Variants in PID1 observed in about 807,000 individuals in gnomAD.
The protein encoded by PID1 is PTB-containing, cubilin and LRP1-interacting protein.
In PID1, 10 loss-of-function variants were observed where a neutral mutation model predicts 19.1. The observed-to-expected ratio is 0.52, with a 90% CI of 0.32 to 0.89. The LOEUF is 0.89. PID1 is among the 40% of genes least tolerant of loss of function. The pLI, the probability that PID1 is intolerant of heterozygous loss-of-function variation, is 0.03. For missense variants in PID1, 248 were observed against 285.3 expected (o/e 0.87, Z 0.94); for synonymous variants, 130 against 116.0 (o/e 1.12, Z -0.78).
chr2:229,149,151 A>T (rs1470120012), intron 2 of PID1, among the ~76,000 whole-genome samples: 1 of 152,002 alleles, frequency 6.6e-6, no homozygotes, highest in Non-Finnish European at 1.5e-5. Flanking sequence ...TATAATTGGC[A>T]TAGGATTCAA....
chr2:229,065,965 A>G (rs1278649266), intron 2 of PID1, among the ~76,000 whole-genome samples: 10 of 152,218 alleles, frequency 6.6e-5, no homozygotes, highest in Admixed American at 6.5e-4. Flanking sequence ...TGGAAATAGT[A>G]TAATTTATAC....
At chr2:229,202,390 C>T (rs1329773146) in intron 1 of PID1, among the ~76,000 whole-genome samples, 1 of 152,028 alleles carries the variant, frequency 6.6e-6, no homozygotes, top group Non-Finnish European at 1.5e-5. Flanking sequence ...ACTTTGATAA[C>T]ATCATTATTT....
rs146964529 is a variant in PID1 at position 229,062,179 on chromosome 2, A to G, written c.178-36071T>C. On this transcript the variant is annotated intron_variant, in intron 2 of 2. Transcript: ENST00000392055. ...ATTGTTTTATTTCTGATTTTAGAGAAAAAGGTTTCATCTTTTCACTGTGGG... is the reference window on the plus strand; with the variant it reads ...ATTGTTTTATTTCTGATTTTAGAGAGAAAGGTTTCATCTTTTCACTGTGGG... 5.5e-3 allele frequency among the ~76,000 whole-genome samples: 839 copies of G among 152,088 alleles called. 9 individuals are homozygous for G. Among genetic ancestry groups the G allele is most frequent in the African/African-American group, 0.019 (809 of 41,552 alleles).
intron 2 of PID1, among the ~76,000 whole-genome samples, chr2:229,083,297 T>C (rs1239685802): frequency 6.6e-6 from 1 of 152,214 alleles, no homozygotes; most frequent in African/African-American, 2.4e-5. Context: ...AGTAATGGAC[T>C]GCCCAGCACA....
At chr2:229,057,021 T>C (rs576147991) in intron 2 of PID1, among the ~76,000 whole-genome samples, 4 of 68,812 alleles carry the variant, frequency 5.8e-5, no homozygotes, top group Non-Finnish European at 9.1e-5. Context: ...CACTTTATCA[T>C]AAGAGAAAGA....
intron 2 of PID1, among the ~76,000 whole-genome samples, chr2:229,109,239 A>G (rs1023155446): frequency 3.9e-5 from 6 of 152,194 alleles, no homozygotes; most frequent in Non-Finnish European, 1.5e-5. Flanking sequence ...ATCTTCTTCA[A>G]TATAGAATAT....
At chr2:229,269,795 T>C (rs894349077) in intron 1 of PID1, among the ~76,000 whole-genome samples, 2 of 152,190 alleles carry the variant, frequency 1.3e-5, no homozygotes, top group African/African-American at 4.8e-5. Context: ...ATGCAGGTTT[T>C]CTTGTTTATT....
At chr2:229,259,686 T>G (rs1449636365) in intron 1 of PID1, among the ~76,000 whole-genome samples, 1 of 152,254 alleles carries the variant, frequency 6.6e-6, no homozygotes, top group East Asian at 1.9e-4. Flanking sequence ...TCCAGCATCA[T>G]TTGTTGAAAA....
chr2:229,064,642 A>G (rs184213469), intron 2 of PID1, among the ~76,000 whole-genome samples: 2 of 152,280 alleles, frequency 1.3e-5, no homozygotes, highest in Admixed American at 6.5e-5. Context: ...AAAGTGAAAA[A>G]GCATATTTGT....
intron 1 of PID1, among the ~76,000 whole-genome samples, chr2:229,222,038 C>T (rs1308144378): frequency 6.6e-6 from 1 of 152,268 alleles, no homozygotes; most frequent in East Asian, 1.9e-4. Context: ...CCCTCTCCCA[C>T]TCGGAAGCCT....
At position 229,214,427 on chromosome 2, in the gene PID1, C is replaced by T. The variant is rs544485931; in HGVS notation, c.30+56587G>A. On this transcript the variant is annotated intron_variant, in intron 1 of 2. Coordinates refer to ENST00000392055, the MANE Select transcript of PID1 (RefSeq NM_001100818.2). The stretch of plus-strand genomic sequence containing the variant: ...GTCAAGGCAAGTCAGCCAAAATATA[C>T]TCACTTCTTAAGAAGTAGATCCTGA... Among the ~76,000 whole-genome samples the T allele has an allele frequency of 2.6e-5, 4 of 152,228 alleles. No homozygotes were observed. In the East Asian group the frequency reaches 5.8e-4, roughly 22 times the overall value.
intron 2 of PID1, 152 bp from the exon 3 acceptor site, chr2:229,026,260 A>C (rs141959395): frequency 3.2e-6 from 2 of 619,514 alleles, no homozygotes; most frequent in African/African-American, 3.7e-5. Flanking sequence ...AACTCATCAA[A>C]ATTTCTACCT....
At chr2:229,078,128 G>A (rs1482689420) in intron 2 of PID1, among the ~76,000 whole-genome samples, 2 of 152,156 alleles carry the variant, frequency 1.3e-5, no homozygotes, top group Admixed American at 1.3e-4. Flanking sequence ...TCCCTTGTAA[G>A]TTGTATTCCT....
At chr2:229,205,630 T>C (rs761908180) in intron 1 of PID1, among the ~76,000 whole-genome samples, 31 of 152,112 alleles carry the variant, frequency 2.0e-4, no homozygotes, top group Admixed American at 2.0e-3. Context: ...GTCAACAAAA[T>C]GTAGAGTTAC....
chr2:229,040,815 A>C (rs1284062496), intron 2 of PID1, among the ~76,000 whole-genome samples: 5 of 152,234 alleles, frequency 3.3e-5, no homozygotes, highest in Admixed American at 6.5e-5. Context: ...AAAGTGCCAT[A>C]GACTTACAAT....
At chr2:229,062,137 T>C (rs1559215686) in intron 2 of PID1, among the ~76,000 whole-genome samples, 1 of 152,026 alleles carries the variant, frequency 6.6e-6, no homozygotes. Context: ...TGAGTAAAAA[T>C]GATAAGAGTG....
chr2:229,039,510 T>G (rs1191420089), intron 2 of PID1, among the ~76,000 whole-genome samples: 1 of 152,226 alleles, frequency 6.6e-6, no homozygotes, highest in African/African-American at 2.4e-5. Context: ...ATTATATCCC[T>G]TGCAACTATT....
chr2:229,027,079 G>A (rs13026046), intron 2 of PID1, among the ~76,000 whole-genome samples: 22 of 152,238 alleles, frequency 1.4e-4, no homozygotes, highest in Non-Finnish European at 2.5e-4. Flanking sequence ...CTACGAATGC[G>A]AGGAGAGAAA....
rs868551770 is a variant in PID1, at chr2:229,029,834, C to A, written c.178-3726G>T. ...CAGCCTGGGTGACAGAGTGACACTC[C>A]GTCTCAAAAAAAAAAAAAAACAATT... On this transcript the variant is annotated intron_variant, in intron 2 of 2. Transcript: ENST00000392055. Among the ~76,000 whole-genome samples the A allele has an allele frequency of 5.0e-5, 6 of 121,052 alleles. No homozygotes were observed. In the Admixed American group the frequency reaches 5.1e-4, roughly 10 times the overall value. 79.4% of individuals were successfully genotyped at this position (121,052 alleles called of 152,430 possible). A position where few individuals can be genotyped will look rare whatever the true frequency, so the allele number is the denominator to read the frequency against.
Sources: allele counts gnomAD v4.1 joint callset (sites outside exome capture counted in the v4.1 genomes callset), GRCh38; gene constraint gnomAD v4.1.1; transcripts MANE v1.5; gene names NCBI Gene and HGNC (gene_info 2026-07-23, HGNC 2026-07-21).